Variants in WDFY4 observed in about 807,000 individuals in gnomAD.
The protein encoded by WDFY4 is WDFY family member 4, also known as WD repeat- and FYVE domain-containing protein 4.
WDFY4 carries 169 observed loss-of-function variants against 351.9 expected under a neutral mutation model. The ratio of observed to expected loss-of-function variants is 0.48; its 90% CI spans 0.42 to 0.55. The LOEUF (loss-of-function observed/expected upper bound fraction) is 0.55. WDFY4 is among the 20% of genes least tolerant of loss of function. The pLI, the probability that WDFY4 is intolerant of heterozygous loss-of-function variation, is 0.00. For missense variants in WDFY4, 3,803 were observed against 3,935.6 expected, an observed-to-expected ratio of 0.97 and a Z score of 0.90; for synonymous variants, 1,622 against 1,574.6, an observed-to-expected ratio of 1.03 and a Z score of -0.71.
At chr10:48,871,675 C>T (rs1235212311) in intron 40 of WDFY4, among the ~76,000 whole-genome samples, 1 of 152,008 alleles carries the variant, frequency 6.6e-6, no homozygotes. Flanking sequence ...CTGGGTCTTG[C>T]TATGTTGCCC....
intron 39 of WDFY4, among the ~76,000 whole-genome samples, chr10:48,836,645 T>C (rs1227112036): frequency 6.6e-6 from 1 of 152,220 alleles, no homozygotes; most frequent in Non-Finnish European, 1.5e-5. Flanking sequence ...AGCTGAACTT[T>C]GAGGCAGGGC....
intron 27 of WDFY4, among the ~76,000 whole-genome samples, chr10:48,807,229 G>C (rs556720395): frequency 1.3e-5 from 2 of 152,270 alleles, no homozygotes; most frequent in Admixed American, 1.3e-4. Flanking sequence ...ATGGGTAATG[G>C]GCCAAGAGTG....
chr10:48,930,880 G>T (rs1839954126), intron 47 of WDFY4, among the ~76,000 whole-genome samples: 1 of 152,128 alleles, frequency 6.6e-6, no homozygotes, highest in South Asian at 2.1e-4. Flanking sequence ...TGAGCCCTGT[G>T]TTCTCTGGCA....
chr10:48,942,315 A>T (rs1840813212), intron 48 of WDFY4, among the ~76,000 whole-genome samples: 1 of 152,188 alleles, frequency 6.6e-6, no homozygotes, highest in African/African-American at 2.4e-5. Context: ...TTCCCTGACC[A>T]GATGTCGGTG....
chr10:48,879,498 C>T (rs2070162426), intron 43 of WDFY4, among the ~76,000 whole-genome samples: 1 of 152,204 alleles, frequency 6.6e-6, no homozygotes, highest in South Asian at 2.1e-4. Flanking sequence ...GCTTTATATT[C>T]GCTTTCTATC....
intron 61 of WDFY4, 78 bp downstream of exon 61, chr10:48,981,556 G>A: frequency 1.4e-6 from 2 of 1,390,822 alleles, no homozygotes; most frequent in South Asian, 1.3e-5. Flanking sequence ...GTGGCTCTGA[G>A]TCCAGGCCAC....
intron 15 of WDFY4, 133 bp downstream of exon 15, chr10:48,775,939 C>A (rs2066018192): frequency 1.3e-6 from 1 of 792,678 alleles, no homozygotes; most frequent in Admixed American, 2.7e-5. Context: ...CTCAATGCAG[C>A]AACTGAGGAA....
At chr10:48,742,918 G>A (rs1023946615) in intron 11 of WDFY4, 50 bp from the exon 12 acceptor site, 2 of 1,484,728 alleles carry the variant, frequency 1.3e-6, no homozygotes, top group Non-Finnish European at 9.0e-7. Context: ...TGGGCTCAGG[G>A]TTAATCTACC....
intron 43 of WDFY4, among the ~76,000 whole-genome samples, chr10:48,886,237 G>T (rs2070450435): frequency 6.6e-6 from 1 of 152,236 alleles, no homozygotes; most frequent in African/African-American, 2.4e-5. Context: ...ACTTTAGAGA[G>T]TATCCGGTTG....
intron 39 of WDFY4, among the ~76,000 whole-genome samples, chr10:48,836,472 G>A (rs2068397774): frequency 6.6e-6 from 1 of 152,168 alleles, no homozygotes; most frequent in African/African-American, 2.4e-5. Context: ...AGTTGGTGTT[G>A]GAGGAAACAT....
At chr10:48,982,025 A>G (rs548220147) in intron 61 of WDFY4, among the ~76,000 whole-genome samples, 1 of 152,052 alleles carries the variant, frequency 6.6e-6, no homozygotes, top group Non-Finnish European at 1.5e-5. Context: ...GCAGAGCCGG[A>G]CTTCCTTCCT....
intron 43 of WDFY4, among the ~76,000 whole-genome samples, chr10:48,882,374 T>G (rs2070288221): frequency 6.6e-6 from 1 of 152,182 alleles, no homozygotes; most frequent in South Asian, 2.1e-4. Flanking sequence ...TTGTTGCTAT[T>G]AATATTATTA....
chr10:48,825,308 C>T (rs767507021), intron 35 of WDFY4, among the ~76,000 whole-genome samples: 3 of 152,170 alleles, frequency 2.0e-5, no homozygotes, highest in Non-Finnish European at 2.9e-5. Context: ...TTTTATGGCT[C>T]ATAGTATTCC....
At chr10:48,714,634 C>T (rs2063851559) in intron 2 of WDFY4, among the ~76,000 whole-genome samples, 1 of 152,180 alleles carries the variant, frequency 6.6e-6, no homozygotes, top group Non-Finnish European at 1.5e-5. Flanking sequence ...TTGAGGTCCT[C>T]ATTTTGCACA....
intron 51 of WDFY4, among the ~76,000 whole-genome samples, chr10:48,950,812 C>T (rs543074239): frequency 5.9e-4 from 90 of 152,336 alleles, no homozygotes; most frequent in African/African-American, 1.5e-3. Flanking sequence ...GGCAGTCACC[C>T]GGTACTGCAG....
At chr10:48,935,146 A>G (rs941951839) in intron 47 of WDFY4, 1 of 152,236 alleles carries the variant, frequency 6.6e-6, no homozygotes, top group Non-Finnish European at 1.5e-5. Flanking sequence ...TAAATCGATA[A>G]GCGCAGGGCC....
At chr10:48,902,363 C>T (rs1837402645) in intron 47 of WDFY4, among the ~76,000 whole-genome samples, 1 of 152,180 alleles carries the variant, frequency 6.6e-6, no homozygotes, top group Non-Finnish European at 1.5e-5. Context: ...CCGCCAGGTC[C>T]CCTTTCCAGC....
chr10:48,710,065 G>A, intron 2 of WDFY4, 99 bp downstream of exon 2: 1 of 1,159,296 alleles, frequency 8.6e-7, no homozygotes. Flanking sequence ...GTCATCCCAA[G>A]TGGACTCTGA....
At chr10:48,745,159 T>C (rs2064970799) in intron 12 of WDFY4, among the ~76,000 whole-genome samples, 1 of 152,242 alleles carries the variant, frequency 6.6e-6, no homozygotes, top group African/African-American at 2.4e-5. Context: ...GTATGAAATA[T>C]TTTTCTAATT....
Sources: gnomAD v4.1 joint callset for allele counts (sites outside exome capture counted in the v4.1 genomes callset) on GRCh38, gnomAD v4.1.1 for gene constraint, MANE v1.5 for transcripts, NCBI Gene and HGNC (gene_info 2026-07-23, HGNC 2026-07-21) for gene names.